The following CLSTN2 variants were observed in gnomAD, a reference collection of about 807,000 sequenced individuals.
The protein encoded by CLSTN2 is calsyntenin-2.
Under a neutral mutation model 101.2 loss-of-function variants are expected in CLSTN2, and 48 were observed. The observed-to-expected ratio is 0.47, with a 90% CI of 0.38 to 0.60. The LOEUF (loss-of-function observed/expected upper bound fraction) is 0.60. Ranked by LOEUF, CLSTN2 falls within the 20% of genes least tolerant of loss-of-function variation. The pLI is 0.00. For missense variants in CLSTN2, 1,160 were observed against 1,238.2 expected (o/e 0.94, Z 0.95); for synonymous variants, 481 against 463.6 (o/e 1.04, Z -0.48).
At chr3:140,175,740 C>T (rs1317278763) in intron 1 of CLSTN2, among the ~76,000 whole-genome samples, 1 of 152,154 alleles carries the variant, frequency 6.6e-6, no homozygotes, top group Non-Finnish European at 1.5e-5. Context: ...TGTCTCTCAC[C>T]TTCTGAGTGG....
At chr3:140,491,147 C>G (rs144079742) in intron 8 of CLSTN2, among the ~76,000 whole-genome samples, 2 of 152,290 alleles carry the variant, frequency 1.3e-5, no homozygotes, top group East Asian at 3.9e-4. Context: ...GTTAATTTGT[C>G]TTTCTCTGTC....
At chr3:140,186,876 A>C (rs1456905144) in intron 2 of CLSTN2, among the ~76,000 whole-genome samples, 1 of 152,138 alleles carries the variant, frequency 6.6e-6, no homozygotes, top group Non-Finnish European at 1.5e-5. Context: ...TTCTTTCTGC[A>C]CATTAATGAT....
intron 4 of CLSTN2, among the ~76,000 whole-genome samples, chr3:140,416,568 C>A (rs994437644): frequency 6.6e-6 from 1 of 152,170 alleles, no homozygotes; most frequent in Admixed American, 6.5e-5. Context: ...TTGGTGGACC[C>A]CACACTTGCA....
intron 2 of CLSTN2, among the ~76,000 whole-genome samples, chr3:140,341,261 A>G (rs2107936123): frequency 6.6e-6 from 1 of 152,242 alleles, no homozygotes; most frequent in African/African-American, 2.4e-5. Flanking sequence ...TCCTTTCCTT[A>G]TATTTTGTCT....
At chr3:139,942,022 G>A (rs954487225) in intron 1 of CLSTN2, among the ~76,000 whole-genome samples, 1 of 152,028 alleles carries the variant, frequency 6.6e-6, no homozygotes, top group Non-Finnish European at 1.5e-5. Context: ...GTAAAACTGG[G>A]GTTACAAACT....
chr3:140,011,304 G>T (rs1030977426), intron 1 of CLSTN2, among the ~76,000 whole-genome samples: 1 of 152,186 alleles, frequency 6.6e-6, no homozygotes, highest in Non-Finnish European at 1.5e-5. Context: ...GAGTTTTGGT[G>T]GATGTCTTGC....
At chr3:140,074,858 A>G (rs1304900602) in intron 1 of CLSTN2, among the ~76,000 whole-genome samples, 1 of 152,142 alleles carries the variant, frequency 6.6e-6, no homozygotes, top group Non-Finnish European at 1.5e-5. Context: ...CCCCACTGCA[A>G]TGCCTTCCCT....
At position 140,448,666 on chromosome 3, in the gene CLSTN2, G is replaced by A. The variant is rs148820533; in HGVS notation, c.935G>A (p.Arg312Gln). Residue 312 changes from arginine to glutamine, a missense_variant, in exon 6 of 17, where the codon CGG becomes CAG. Physicochemically the swap from Arg to Gln is conservative, Grantham distance 43 (BLOSUM62 1). Transcript: ENST00000458420. Reference protein sequence around the residue: ...QTNYIGKGCDRETYSEKSLQK... With the variant: ...QTNYIGKGCDQETYSEKSLQK... ...AATTACATTGGGAAGGGTTGTGACC[G>A]GGAGACCTACTCTGAGAAATCCCTT... 591 of 1,613,826 alleles carry A rather than the reference G, an allele frequency of 3.7e-4. No individual in the cohort carries two copies. The highest frequency in any genetic ancestry group is 5.0e-4 in the Admixed American group (30 of 60,006).
chr3:140,118,445 T>G (rs1216444207), intron 1 of CLSTN2, among the ~76,000 whole-genome samples: 1 of 152,194 alleles, frequency 6.6e-6, no homozygotes. Flanking sequence ...TGGGACCATC[T>G]GAGGCATGTC....
chr3:140,071,692 G>A (rs111738674), intron 1 of CLSTN2, among the ~76,000 whole-genome samples: 2 of 152,020 alleles, frequency 1.3e-5, no homozygotes, highest in Non-Finnish European at 2.9e-5. Flanking sequence ...TTAGCCGGGC[G>A]TGGTGGCGGG....
intron 2 of CLSTN2, among the ~76,000 whole-genome samples, chr3:140,221,000 G>C (rs940092632): frequency 6.6e-6 from 1 of 152,204 alleles, no homozygotes; most frequent in Non-Finnish European, 1.5e-5. Flanking sequence ...AGGCTCAGCC[G>C]ACAGGCTGGA....
At chr3:140,459,162 T>G (rs1933492007) in intron 6 of CLSTN2, among the ~76,000 whole-genome samples, 1 of 152,200 alleles carries the variant, frequency 6.6e-6, no homozygotes, top group South Asian at 2.1e-4. Flanking sequence ...TGGATAGGTG[T>G]GTGAGTGAAT....
intron 2 of CLSTN2, among the ~76,000 whole-genome samples, chr3:140,357,936 G>A (rs1364995473): frequency 1.3e-5 from 2 of 152,184 alleles, no homozygotes; most frequent in African/African-American, 4.8e-5. Flanking sequence ...ACAGCCCATA[G>A]CAAGGGGTTA....
intron 1 of CLSTN2, among the ~76,000 whole-genome samples, chr3:140,070,745 G>T (rs1266649413): frequency 2.0e-5 from 3 of 152,058 alleles, no homozygotes; most frequent in Non-Finnish European, 4.4e-5. Context: ...TCAGAAGAGG[G>T]ATTGGCAGTC....
At chr3:140,243,962 T>G (rs545884825) in intron 2 of CLSTN2, among the ~76,000 whole-genome samples, 2 of 152,312 alleles carry the variant, frequency 1.3e-5, no homozygotes, top group East Asian at 3.9e-4. Flanking sequence ...CCCCTCTTTG[T>G]GCAACCAAGA....
At chr3:140,397,643 G>A (rs2088197286) in intron 2 of CLSTN2, among the ~76,000 whole-genome samples, 1 of 152,112 alleles carries the variant, frequency 6.6e-6, no homozygotes, top group Admixed American at 6.6e-5. Flanking sequence ...AAGAGGACAG[G>A]GATCTCTCTG....
At chr3:140,553,874 G>A (rs1466614514) in intron 10 of CLSTN2, among the ~76,000 whole-genome samples, 2 of 152,166 alleles carry the variant, frequency 1.3e-5, no homozygotes, top group Non-Finnish European at 2.9e-5. Flanking sequence ...GGTTTGGTGA[G>A]TACTGATAAT....
intron 5 of CLSTN2, among the ~76,000 whole-genome samples, chr3:140,434,525 G>T (rs1210276758): frequency 6.6e-6 from 1 of 152,176 alleles, no homozygotes; most frequent in Non-Finnish European, 1.5e-5. Flanking sequence ...CAAAGCCTAG[G>T]GTCTGTGAGA....
intron 10 of CLSTN2, among the ~76,000 whole-genome samples, chr3:140,547,794 C>T (rs1246668857): frequency 2.0e-5 from 3 of 152,184 alleles, no homozygotes; most frequent in Admixed American, 6.5e-5. Flanking sequence ...CTGTAGCCCC[C>T]ACTCAATCAT....
Sources: gnomAD v4.1 joint callset for allele counts (sites outside exome capture counted in the v4.1 genomes callset) on GRCh38, gnomAD v4.1.1 for gene constraint, MANE v1.5 for transcripts, NCBI Gene and HGNC (gene_info 2026-07-23, HGNC 2026-07-21) for gene names.